IQCH: variants seen among roughly 807,000 people sequenced by gnomAD.
The protein encoded by IQCH is IQ motif containing H, also known as IQ domain-containing protein H.
IQCH carries 98 observed loss-of-function variants against 117.0 expected under a neutral mutation model. The observed-to-expected ratio is 0.84, with a 90% CI of 0.71 to 0.99. The LOEUF is 0.99. IQCH is among the 50% of genes least tolerant of loss of function. IQCH has a pLI of 0.00. For missense variants in IQCH, 1,102 were observed against 1,243.8 expected (o/e 0.89, Z 1.72); for synonymous variants, 412 against 448.2 (o/e 0.92, Z 1.02).
At chr15:67,460,690 T>C (rs75678390) in intron 16 of IQCH, among the ~76,000 whole-genome samples, 4,418 of 152,338 alleles carry the variant, frequency 0.029, 235 homozygotes, top group African/African-American at 0.1. Context: ...AAGTGATTTC[T>C]GACTGACAGC....
chr15:67,499,160 A>G (rs1052837600), intron 20 of IQCH, among the ~76,000 whole-genome samples: 18 of 151,926 alleles, frequency 1.2e-4, no homozygotes, highest in African/African-American at 4.4e-4. Flanking sequence ...CTAGCCAGGC[A>G]TGGTGGCACA....
rs1370909862 is a variant in IQCH at position 67,479,877 on chromosome 15, A to G, written c.2799+4059A>G. Reference sequence around the variant, plus strand: ...TTCTTGTCCAAAGTCCCAGGGGGAAAAAAGGGAAATGAGATCACTCTATGA... The same window carrying G: ...TTCTTGTCCAAAGTCCCAGGGGGAAGAAAGGGAAATGAGATCACTCTATGA... On this transcript the variant is annotated intron_variant, in intron 18 of 20. Transcript: ENST00000335894. This position sits in a 1 kb window ranked among gnomAD's most constrained non-coding sequence, Gnocchi z 4.6. Among the ~76,000 whole-genome samples the G allele has an allele frequency of 6.6e-6, 1 of 152,238 alleles. No individual in the cohort carries two copies. Among genetic ancestry groups the G allele is most frequent in the Non-Finnish European group, 1.5e-5 (1 of 68,038 alleles).
At chr15:67,409,479 C>T (rs920193354) in intron 14 of IQCH, among the ~76,000 whole-genome samples, 2 of 152,146 alleles carry the variant, frequency 1.3e-5, no homozygotes, top group Non-Finnish European at 2.9e-5. Flanking sequence ...AATGGAGGCA[C>T]AACATATGTG....
intron 7 of IQCH, among the ~76,000 whole-genome samples, chr15:67,358,079 G>C (rs1406662577): frequency 6.7e-6 from 1 of 148,872 alleles, no homozygotes; most frequent in African/African-American, 2.5e-5. Flanking sequence ...GGCTGGTCTC[G>C]AACTCCTGAC....
chr15:67,334,219 C>A (rs1968792350), intron 4 of IQCH, among the ~76,000 whole-genome samples: 1 of 151,844 alleles, frequency 6.6e-6, no homozygotes, highest in Non-Finnish European at 1.5e-5. Flanking sequence ...AGTGTGGTTG[C>A]AGAATAAAAT....
At position 67,359,992 on chromosome 15, in the gene IQCH, A is replaced by C. The variant is rs1970066798; in HGVS notation, c.753+107A>C. The C allele has an allele frequency of 1.3e-6, 1 of 776,532 alleles. No individual in the cohort carries two copies. The highest frequency in any genetic ancestry group is 2.2e-6 in the Non-Finnish European group (1 of 463,708). The allele number at this position is 776,532 out of a possible 1,614,324, so 48.1% of individuals were successfully genotyped here. Reference sequence around the variant, plus strand: ...TGACTGCTTGACAGCTGGAGATGGCAACAAAAGTTCGTGCTTCCTTTGTAA... The same window carrying C: ...TGACTGCTTGACAGCTGGAGATGGCCACAAAAGTTCGTGCTTCCTTTGTAA... On this transcript the variant is annotated intron_variant, in intron 8 of 20. Transcript: ENST00000335894. This position sits in a 1 kb window ranked among gnomAD's most constrained non-coding sequence, Gnocchi z 4.5.
chr15:67,472,548 C>T lies in IQCH; in HGVS notation c.2677-3148C>T, dbSNP rs1410669560. Among the ~76,000 whole-genome samples the T allele has an allele frequency of 6.6e-6, 1 of 152,116 alleles. No homozygotes were observed. The highest frequency in any genetic ancestry group is 1.5e-5 in the Non-Finnish European group (1 of 68,014). On this transcript the variant is annotated intron_variant, in intron 17 of 20. Coordinates refer to ENST00000335894, the MANE Select transcript of IQCH (RefSeq NM_001031715.3). The surrounding 1 kb of genome is among the most constrained non-coding windows in gnomAD (Gnocchi z 4.3). ...TTACATTTATTGTAGATCCAAAATC[C>T]TTTCAAAGGAATGACAACAAAAATA...
rs181890809 is a variant in IQCH, at chr15:67,418,215, T to C, written c.2218+1164T>C. On this transcript the variant is annotated intron_variant, in intron 15 of 20. Coordinates refer to ENST00000335894, the MANE Select transcript of IQCH (RefSeq NM_001031715.3). ...CAGTAGTTACATTTATCAGGGCTTA[T>C]TGTAGCTCAATGTATGAGAGTGTAT... is the stretch of plus-strand genomic sequence containing the variant. Among the ~76,000 whole-genome samples, 584 of 152,246 alleles carry C rather than the reference T, an allele frequency of 3.8e-3. 2 individuals are homozygous for C. Among genetic ancestry groups the C allele is most frequent in the African/African-American group, 0.013 (545 of 41,530 alleles).
In IQCH at chr15:67,411,836, C is replaced by T. The variant is rs1261235039; in HGVS notation, c.2098-5095C>T. On this transcript the variant is annotated intron_variant, in intron 14 of 20. Transcript: ENST00000335894. The surrounding 1 kb of genome is among the most constrained non-coding windows in gnomAD (Gnocchi z 4.4). ...CTGAATTTCATTCATTCAGACATCTCTTCCTTCAAATTTACACTTTCTTGA... is the reference window on the plus strand; with the variant it reads ...CTGAATTTCATTCATTCAGACATCTTTTCCTTCAAATTTACACTTTCTTGA... Among the ~76,000 whole-genome samples the T allele has an allele frequency of 6.6e-6, 1 of 152,216 alleles. No homozygotes were observed. The highest frequency in any genetic ancestry group is 1.5e-5 in the Non-Finnish European group (1 of 68,042).
At chr15:67,279,896 G>A (rs938264244) in intron 4 of IQCH, among the ~76,000 whole-genome samples, 24 of 152,018 alleles carry the variant, frequency 1.6e-4, no homozygotes, top group African/African-American at 4.8e-4. Flanking sequence ...GCCTGGTACT[G>A]GTGGTGGTAC....
At chr15:67,319,000 G>A (rs1357527399) in intron 4 of IQCH, among the ~76,000 whole-genome samples, 1 of 152,208 alleles carries the variant, frequency 6.6e-6, no homozygotes, top group East Asian at 1.9e-4. Context: ...GCCGAGGCAG[G>A]CAGTATCACG....
chr15:67,256,604 CTT>C (rs1567041282), intron 1 of IQCH, among the ~76,000 whole-genome samples: 1 of 152,206 alleles, frequency 6.6e-6, no homozygotes, highest in Admixed American at 6.5e-5. Flanking sequence ...CTGGACCCCT[CTT>C]TGGGTAAGGT....
rs1053172009 is a variant in IQCH at position 67,491,806 on chromosome 15, C to A, written c.2861+1742C>A. 2.0e-5 allele frequency among the ~76,000 whole-genome samples: 3 copies of A among 152,152 alleles called. No homozygotes were observed. The East Asian group carries it at 5.8e-4, about 29-fold the overall frequency. ...CCCTCAGCTCCCTCCCTGCCCCACC[C>A]TTCCTTACCAGAAAATTTGAAAGCA... On this transcript the variant is annotated intron_variant, in intron 19 of 20. Coordinates refer to ENST00000335894, the MANE Select transcript of IQCH (RefSeq NM_001031715.3). This position sits in a 1 kb window ranked among gnomAD's most constrained non-coding sequence, Gnocchi z 4.9.
In IQCH at chr15:67,376,562, T is replaced by C. The variant is rs922739551; in HGVS notation, c.1372+3129T>C. On this transcript the variant is annotated intron_variant, in intron 10 of 20. Transcript: ENST00000335894. This position sits in a 1 kb window ranked among gnomAD's most constrained non-coding sequence, Gnocchi z 5.0. ...ATAATTACACCATGCTGCTAGCCAA[T>C]TGGGGCTGCACTAACTTGTTTGAAC... Among the ~76,000 whole-genome samples the C allele has an allele frequency of 6.6e-6, 1 of 152,204 alleles. No individual in the cohort carries two copies. Among genetic ancestry groups the C allele is most frequent in the Admixed American group, 6.5e-5 (1 of 15,280 alleles).
At chr15:67,341,040 C>A (rs1969148291) in intron 5 of IQCH, among the ~76,000 whole-genome samples, 1 of 152,068 alleles carries the variant, frequency 6.6e-6, no homozygotes, top group South Asian at 2.1e-4. Flanking sequence ...GGCAAAACCG[C>A]AACCCCGACA....
chr15:67,458,955 T>A lies in IQCH; in HGVS notation c.2506-6172T>A, dbSNP rs1406741082. ...GGCTTATTTGGAGTGCCTGTCTTTT[T>A]AAAAATTTTCGGCAATATGATAAAT... On this transcript the variant is annotated intron_variant, in intron 16 of 20. Coordinates refer to ENST00000335894, the MANE Select transcript of IQCH (RefSeq NM_001031715.3). This position sits in a 1 kb window ranked among gnomAD's most constrained non-coding sequence, Gnocchi z 4.1. 6.6e-6 allele frequency among the ~76,000 whole-genome samples: 1 copy of A among 152,220 alleles called. No homozygotes were observed. The highest frequency in any genetic ancestry group is 6.5e-5 in the Admixed American group (1 of 15,286).
chr15:67,456,780 C>T lies in IQCH; in HGVS notation c.2506-8347C>T, dbSNP rs369072104. On this transcript the variant is annotated intron_variant, in intron 16 of 20. Coordinates refer to ENST00000335894, the MANE Select transcript of IQCH (RefSeq NM_001031715.3). The surrounding 1 kb of genome is among the most constrained non-coding windows in gnomAD (Gnocchi z 5.1). ...TTCAGAATCCAAAAGTTTTGAAGGC[C>T]TTTGAAAATCACGGAAGTCTTAGGT... 1.9e-3 allele frequency among the ~76,000 whole-genome samples: 284 copies of T among 152,088 alleles called. 1 individual carries two copies. The highest frequency in any genetic ancestry group is 6.7e-3 in the African/African-American group (277 of 41,478).
At position 67,427,600 on chromosome 15, in the gene IQCH, G is replaced by A. The variant is rs759689108; in HGVS notation, c.2505+6023G>A. Among the ~76,000 whole-genome samples the A allele has an allele frequency of 6.6e-6, 1 of 152,058 alleles. No individual in the cohort carries two copies. The highest frequency in any genetic ancestry group is 6.5e-5 in the Admixed American group (1 of 15,270). On this transcript the variant is annotated intron_variant, in intron 16 of 20. Transcript: ENST00000335894. This position sits in a 1 kb window ranked among gnomAD's most constrained non-coding sequence, Gnocchi z 4.7. Reference sequence around the variant, plus strand: ...GTTTTCTCAGCTATAAAATGAGGAGGTTAGCTTATTTTGCATCTGAGGTAA... The same window carrying A: ...GTTTTCTCAGCTATAAAATGAGGAGATTAGCTTATTTTGCATCTGAGGTAA...
At chr15:67,438,084 G>T (rs1313315981) in intron 16 of IQCH, among the ~76,000 whole-genome samples, 1 of 152,144 alleles carries the variant, frequency 6.6e-6, no homozygotes, top group Non-Finnish European at 1.5e-5. Context: ...TCTTTACCTA[G>T]GCACATTGTC....
Sources: allele counts gnomAD v4.1 joint callset (sites outside exome capture counted in the v4.1 genomes callset), GRCh38; gene constraint gnomAD v4.1.1; non-coding constraint Gnocchi (gnomAD v3.1); transcripts MANE v1.5; gene names NCBI Gene and HGNC (gene_info 2026-07-23, HGNC 2026-07-21).